Variants in ARHGEF17 observed in about 807,000 individuals in gnomAD.
ARHGEF17 encodes 164 kDa Rho-specific guanine-nucleotide exchange factor.
Under a neutral mutation model 174.0 loss-of-function variants are expected in ARHGEF17, and 80 were observed. The observed-to-expected ratio is 0.46, with a 90% confidence interval of 0.38 to 0.55. The LOEUF is 0.55. Ranked by LOEUF, ARHGEF17 falls within the 20% of genes least tolerant of loss-of-function variation. The pLI is 0.00. For synonymous variants in ARHGEF17, 1,311 were observed against 1,189.1 expected, an observed-to-expected ratio of 1.10 and a Z score of -2.11; for missense variants, 2,886 against 2,839.7, an observed-to-expected ratio of 1.02 and a Z score of -0.37.
rs1316120815 is a variant in ARHGEF17 at position 73,357,058 on chromosome 11, T to C, written c.3925T>C (p.Phe1309Leu). The change falls in exon 8 of 21, where the codon TTC becomes CTC. Residue 1309 changes from phenylalanine (F) to leucine (L), a missense_variant. Physicochemically the swap from Phe to Leu is conservative, Grantham distance 22. This residue lies in a region of ARHGEF17 where 353 missense variants were observed against 470.3 expected (regional missense o/e 0.75). Coordinates refer to ENST00000263674, the MANE Select transcript of ARHGEF17 (RefSeq NM_014786.4). ...CGGTGGCAAGAAGGACCGGTCTCTCTTCCTGTTCACGGACCTCATCGTCTG... is the reference window on the plus strand; with the variant it reads ...CGGTGGCAAGAAGGACCGGTCTCTCCTCCTGTTCACGGACCTCATCGTCTG... ...AIGGKKDRSL[F>L]LFTDLIVCTT... 1 of 1,614,048 alleles carries C rather than the reference T, an allele frequency of 6.2e-7. No homozygotes were observed. Among genetic ancestry groups the C allele is most frequent in the Non-Finnish European group, 8.5e-7 (1 of 1,180,028 alleles).
intron 20 of ARHGEF17, among the ~76,000 whole-genome samples, chr11:73,367,199 A>G (rs1017877584): frequency 3.6e-4 from 55 of 152,352 alleles, no homozygotes; most frequent in Middle Eastern, 6.8e-3. Flanking sequence ...CTGGGTTCAC[A>G]GAAGACTTAA....
intron 16 of ARHGEF17, 145 bp downstream of exon 16, chr11:73,363,978 C>T: frequency 9.2e-7 from 1 of 1,081,958 alleles, no homozygotes; most frequent in Non-Finnish European, 1.4e-6. Flanking sequence ...GCTAGCTGTG[C>T]CTCTTACACA....
At chr11:73,364,329 G>C in intron 17 of ARHGEF17, 90 bp downstream of exon 17, 3 of 1,601,388 alleles carry the variant, frequency 1.9e-6, no homozygotes, top group Non-Finnish European at 2.6e-6. Flanking sequence ...GCAACTCCCA[G>C]GCCCTCTGTG....
rs200133136 is a variant in ARHGEF17 at position 73,360,314 on chromosome 11, C to T, written c.4207-6C>T. On this transcript the variant is annotated splice_region_variant and splice_polypyrimidine_tract_variant and intron_variant, in intron 10 of 20. Transcript: ENST00000263674. ...GGGCCTGAGGCCTGGGCCCTCTTCC[C>T]CACAGAGCCTGGACGATGCACTGCG... 97 of 1,613,304 alleles carry T rather than the reference C, an allele frequency of 6.0e-5. No individual in the cohort carries two copies. The Admixed American group carries it at 1.6e-3, about 27-fold the overall frequency.
rs1565182777 is a variant in ARHGEF17 at position 73,309,342 on chromosome 11, C to CCTG, written c.705_706insTGC (p.Ser235_Ile236insCys). On this transcript the variant is annotated inframe_insertion, in exon 1 of 21. Coordinates refer to ENST00000263674, the MANE Select transcript of ARHGEF17 (RefSeq NM_014786.4). The stretch of plus-strand genomic sequence containing the variant: ...GCCCGGGCCTCCTGCTCCTCCTCCT[C>CCTG]CATCGCCGCCTCCTATCCTGTCAGC... 1.2e-6 allele frequency: 2 copies of CCTG among 1,610,342 alleles called. No homozygotes were observed. The highest frequency in any genetic ancestry group is 8.5e-7 in the Non-Finnish European group (1 of 1,179,026).
At chr11:73,355,276 A>T (rs76570090) in intron 3 of ARHGEF17, among the ~76,000 whole-genome samples, 11,707 of 152,302 alleles carry the variant, frequency 0.077, 582 homozygotes, top group Non-Finnish European at 0.1. Flanking sequence ...CACAGGATAC[A>T]TTCAGGTCTA....
At chr11:73,356,040 C>G (rs925505658) in intron 5 of ARHGEF17, 87 bp downstream of exon 5, 2 of 1,585,838 alleles carry the variant, frequency 1.3e-6, no homozygotes, top group African/African-American at 2.7e-5. Flanking sequence ...CTCGTTGAGC[C>G]TGACATCAGG....
intron 2 of ARHGEF17, among the ~76,000 whole-genome samples, chr11:73,351,565 G>A (rs2134414506): frequency 6.6e-6 from 1 of 152,114 alleles, no homozygotes; most frequent in South Asian, 2.1e-4. Context: ...GATCTCCCAC[G>A]ACCCTCCCTG....
At chr11:73,346,290 A>G (rs1443497096) in intron 1 of ARHGEF17, among the ~76,000 whole-genome samples, 1 of 152,334 alleles carries the variant, frequency 6.6e-6, no homozygotes, top group East Asian at 1.9e-4. Flanking sequence ...TTTTTAAATG[A>G]CAGAATTGGG....
At chr11:73,358,636 T>G (rs917639363) in intron 9 of ARHGEF17, among the ~76,000 whole-genome samples, 2 of 151,620 alleles carry the variant, frequency 1.3e-5, no homozygotes, top group East Asian at 1.9e-4. Flanking sequence ...TTTTTTTTTT[T>G]TTGTATTTTA....
At position 73,309,643 on chromosome 11, in the gene ARHGEF17, C is replaced by G. The variant is rs753640869; in HGVS notation, c.1005C>G (p.Ala335=). The G allele has an allele frequency of 1.2e-6, 2 of 1,613,084 alleles. No homozygotes were observed. Among genetic ancestry groups the G allele is most frequent in the South Asian group, 2.2e-5 (2 of 91,090 alleles). The part of the protein sequence containing the change: ...GSPEPPTSPR[A]PREEGLREWG... ...CTGAGCCCCCAACATCTCCAAGAGC[C>G]CCTAGAGAAGAAGGACTCCGGGAGT... Residue 335 remains alanine (A), a synonymous_variant, in exon 1 of 21, where the codon GCC becomes GCG. Transcript: ENST00000263674.
chr11:73,317,529 G>A (rs1291412231), intron 1 of ARHGEF17, among the ~76,000 whole-genome samples: 2 of 152,210 alleles, frequency 1.3e-5, no homozygotes, highest in South Asian at 2.1e-4. Context: ...GCAGGGTGGG[G>A]GAAGGGGGAG....
Position 73,309,781 on chromosome 11 carries a change from G to C in ARHGEF17, c.1143G>C (p.Leu381=), listed in dbSNP as rs1483183003. 4 of 1,613,020 alleles carry C rather than the reference G, an allele frequency of 2.5e-6. No homozygotes were observed. Among genetic ancestry groups the C allele is most frequent in the Admixed American group, 1.7e-5 (1 of 60,026 alleles). The change falls in exon 1 of 21, where the codon CTG becomes CTC. Residue 381 remains leucine (L), a synonymous_variant. Transcript: ENST00000263674. The part of the protein sequence containing the change: ...RVAKVSFPSY[L]ASPAGSRGSS... ...CCAAGGTGAGCTTTCCCTCGTACCT[G>C]GCCAGCCCCGCAGGCTCCCGCGGTA...
At chr11:73,352,239 A>T (rs1865566298) in intron 2 of ARHGEF17, among the ~76,000 whole-genome samples, 1 of 152,148 alleles carries the variant, frequency 6.6e-6, no homozygotes, top group African/African-American at 2.4e-5. Context: ...CAGGAGAATC[A>T]CTTGAACCCG....
chr11:73,352,589 A>G (rs1315817467), intron 2 of ARHGEF17, among the ~76,000 whole-genome samples: 3 of 151,718 alleles, frequency 2.0e-5, no homozygotes, highest in Non-Finnish European at 4.4e-5. Flanking sequence ...CATTAAACAA[A>G]CCTCTTCCTG....
At position 73,357,035 on chromosome 11, in the gene ARHGEF17, G is replaced by C; in HGVS notation, c.3902G>C (p.Gly1301Ala). 1 of 1,614,170 alleles carries C rather than the reference G, an allele frequency of 6.2e-7. No homozygotes were observed. The highest frequency in any genetic ancestry group is 1.1e-5 in the South Asian group (1 of 91,080). ...CCTTGGGCTCCACAGAAGGCGATCGGTGGCAAGAAGGACCGGTCTCTCTTC... is the reference window on the plus strand; with the variant it reads ...CCTTGGGCTCCACAGAAGGCGATCGCTGGCAAGAAGGACCGGTCTCTCTTC... ...QEMVIEVKAIGGKKDRSLFLF... is the reference protein window; with the variant it reads ...QEMVIEVKAIAGKKDRSLFLF... Residue 1301 changes from glycine (G) to alanine (A), a missense_variant, in exon 8 of 21, where the codon GGT (glycine) becomes GCT (alanine). Physicochemically the swap from Gly to Ala is moderately conservative, Grantham distance 60. Around this residue, in one of 4 missense-constraint regions of ARHGEF17, gnomAD observed 353 missense variants for 470.3 expected, o/e 0.75. Transcript: ENST00000263674.
intron 12 of ARHGEF17, 107 bp downstream of exon 12, chr11:73,361,268 C>A: frequency 9.6e-7 from 1 of 1,036,948 alleles, no homozygotes. Context: ...GCTATTGCTC[C>A]TTATGTCTTG....
In ARHGEF17 at chr11:73,352,890, G is replaced by A. The variant is rs748197761; in HGVS notation, c.3331G>A (p.Asp1111Asn). ...NSVLCDPSLVDEIFDQIPELL... is the reference protein window; with the variant it reads ...NSVLCDPSLVNEIFDQIPELL... ...CGTGCTCTGTGACCCTTCACTGGTGGACGAGATCTTCGACCAGATCCCCGA... is the reference window on the plus strand; with the variant it reads ...CGTGCTCTGTGACCCTTCACTGGTGAACGAGATCTTCGACCAGATCCCCGA... The change falls in exon 3 of 21, where the codon GAC (aspartate) becomes AAC (asparagine). Residue 1111 changes from aspartate to asparagine, a missense_variant. Transcript: ENST00000263674. The A allele has an allele frequency of 1.2e-5, 20 of 1,614,150 alleles. No individual in the cohort carries two copies. Among genetic ancestry groups the A allele is most frequent in the Non-Finnish European group, 1.7e-5 (20 of 1,180,044 alleles).
chr11:73,308,365 C>A lies in ARHGEF17; in HGVS notation c.-274C>A. The A allele has an allele frequency of 2.8e-6, 1 of 362,682 alleles. No homozygotes were observed. The highest frequency in any genetic ancestry group is 4.9e-6 in the Non-Finnish European group (1 of 202,982). The allele number at this position is 362,682 out of a possible 1,614,324, so 22.5% of individuals were successfully genotyped here. Reference sequence around the variant, plus strand: ...GCGCTGGGATCCCGCCCAGGCGGTGCCGCGGTGCCCCTGGTCGCTCCAGCC... The same window carrying A: ...GCGCTGGGATCCCGCCCAGGCGGTGACGCGGTGCCCCTGGTCGCTCCAGCC... On this transcript the variant is annotated 5_prime_UTR_variant, in exon 1 of 21. Coordinates refer to ENST00000263674, the MANE Select transcript of ARHGEF17 (RefSeq NM_014786.4).
Sources: gnomAD v4.1 joint callset for allele counts (sites outside exome capture counted in the v4.1 genomes callset) on GRCh38, gnomAD v4.1.1 for gene constraint, gnomAD v4.1.1 regional missense constraint, MANE v1.5 for transcripts, NCBI Gene and HGNC (gene_info 2026-07-23, HGNC 2026-07-21) for gene names.